Variants in DNAH14 observed in about 807,000 individuals in gnomAD.
DNAH14 encodes dynein axonemal heavy chain 14, also known as axonemal beta dynein heavy chain 14.
DNAH14 carries 478 observed loss-of-function variants against 520.9 expected under a neutral mutation model. That is an observed-to-expected ratio of 0.92 (90% confidence interval 0.85 to 0.99). The LOEUF is 0.99. Ranked by LOEUF, DNAH14 falls within the 50% of genes least tolerant of loss-of-function variation. DNAH14 has a pLI of 0.00. For missense variants in DNAH14, 4,831 were observed against 5,234.5 expected, an observed-to-expected ratio of 0.92 and a Z score of 2.38; for synonymous variants, 1,581 against 1,757.2, an observed-to-expected ratio of 0.90 and a Z score of 2.51.
At position 225,246,105 on chromosome 1, in the gene DNAH14, CAAAAA is replaced by C. The variant is rs140007042; in HGVS notation, c.6748+5298_6748+5302del. The stretch of plus-strand genomic sequence containing the variant: ...ACCATCTGATCTTCGACAAACCTGG[CAAAAA>C]AAAAAAAAAAAAAAGGATAAGGATT... On this transcript the variant is annotated intron_variant, in intron 43 of 85. Coordinates refer to ENST00000682510, the MANE Select transcript of DNAH14 (RefSeq NM_001367479.1). 7.7e-5 allele frequency among the ~76,000 whole-genome samples: 6 copies of C among 77,734 alleles called. No homozygotes were observed. The South Asian group carries it at 2.2e-3, about 28-fold the overall frequency. 51.0% of individuals were successfully genotyped at this position (77,734 alleles called of 152,430 possible). A position where few individuals can be genotyped will look rare whatever the true frequency, so the allele number is the denominator to read the frequency against.
chr1:225,110,599 TTTTC>T (rs138662308), intron 23 of DNAH14, among the ~76,000 whole-genome samples: 7,205 of 151,826 alleles, frequency 0.047, 482 homozygotes, highest in African/African-American at 0.15. Context: ...GGTTTGTCAG[TTTTC>T]TTTATGTTTT....
intron 83 of DNAH14, 39 bp from the exon 84 acceptor site, chr1:225,392,252 A>G (rs1466781823): frequency 2.6e-6 from 4 of 1,548,298 alleles, no homozygotes; most frequent in Non-Finnish European, 3.5e-6. Context: ...AGGCCCTGAG[A>G]CTCACAAGGA....
At chr1:225,099,445 T>C (rs2075265474) in intron 22 of DNAH14, among the ~76,000 whole-genome samples, 1 of 152,104 alleles carries the variant, frequency 6.6e-6, no homozygotes, top group African/African-American at 2.4e-5. Flanking sequence ...TCTGGAAACA[T>C]TTTTACTTGT....
chr1:225,303,136 A>G lies in DNAH14; in HGVS notation c.8632-20A>G, dbSNP rs2094171819. 3 of 1,409,496 alleles carry G rather than the reference A, an allele frequency of 2.1e-6. No individual in the cohort carries two copies. In the African/African-American group the frequency reaches 4.4e-5, roughly 21 times the overall value. 87.3% of individuals were successfully genotyped at this position (1,409,496 alleles called of 1,614,324 possible). A position where few individuals can be genotyped will look rare whatever the true frequency, so the allele number is the denominator to read the frequency against. On this transcript the variant is annotated intron_variant, in intron 56 of 85. Transcript: ENST00000682510. Reference sequence around the variant, plus strand: ...ACAGTGGATTACATTTTAACAATTTATATTTTCATTAATTTTCAGAGAATA... The same window carrying G: ...ACAGTGGATTACATTTTAACAATTTGTATTTTCATTAATTTTCAGAGAATA...
chr1:225,040,900 T>C (rs1303416649), intron 12 of DNAH14, among the ~76,000 whole-genome samples: 2 of 152,252 alleles, frequency 1.3e-5, no homozygotes, highest in Non-Finnish European at 2.9e-5. Context: ...GTCAATCAGA[T>C]AGGTGTGAAA....
intron 58 of DNAH14, 129 bp from the exon 59 acceptor site, chr1:225,307,332 C>A (rs896055819): frequency 3.5e-5 from 23 of 648,686 alleles, no homozygotes; most frequent in Middle Eastern, 4.1e-4. Context: ...AAATAGTGAG[C>A]CAGTCTTGCA....
At position 225,392,137 on chromosome 1, in the gene DNAH14, G is replaced by A. The variant is rs1357544049; in HGVS notation, c.13331-154G>A. Among the ~76,000 whole-genome samples, 5 of 152,306 alleles carry A rather than the reference G, an allele frequency of 3.3e-5. No homozygotes were observed. The South Asian group carries it at 6.2e-4, about 19-fold the overall frequency. On this transcript the variant is annotated intron_variant, in intron 83 of 85. Transcript: ENST00000682510. ...GTCACCAAGGCCTGAGAGGGTGGGT[G>A]AACTGGTCCTCTGCTCCCGCCCAGC...
rs1347712988 is a variant in DNAH14, at chr1:225,206,042, C to T, written c.6049C>T (p.Leu2017=). 5.8e-6 allele frequency: 9 copies of T among 1,551,592 alleles called. No homozygotes were observed. The highest frequency in any genetic ancestry group is 7.8e-6 in the Non-Finnish European group (9 of 1,146,876). Residue 2017 remains leucine (L), a synonymous_variant, in exon 40 of 86, where the codon CTA becomes TTA. Coordinates refer to ENST00000682510, the MANE Select transcript of DNAH14 (RefSeq NM_001367479.1). ...TFWVENLNSV[L]DDTRTLCLAN... is the part of the protein sequence containing the mutation. ...TTGGGTAGAAAATCTGAACTCTGTGCTAGATGATACTAGAACATTGTGCCT... is the reference window on the plus strand; with the variant it reads ...TTGGGTAGAAAATCTGAACTCTGTGTTAGATGATACTAGAACATTGTGCCT...
At chr1:225,330,929 A>G (rs553619719) in intron 64 of DNAH14, among the ~76,000 whole-genome samples, 46 of 152,310 alleles carry the variant, frequency 3.0e-4, no homozygotes, top group South Asian at 6.2e-4. Context: ...ATATATATAT[A>G]TACCTACTGT....
chr1:224,960,306 T>C lies in DNAH14; in HGVS notation c.367+4T>C. On this transcript the variant is annotated splice_donor_region_variant and intron_variant, in intron 4 of 85. Transcript: ENST00000682510. ...CCTGTGTCCTATGATAGAACAGGTA[T>C]GTGGTATCACTGAACCAATTGCTTA... 6.3e-7 allele frequency: 1 copy of C among 1,580,144 alleles called. No individual in the cohort carries two copies. The highest frequency in any genetic ancestry group is 8.6e-7 in the Non-Finnish European group (1 of 1,166,896).
At chr1:225,111,727 C>G (rs1171265279) in intron 23 of DNAH14, among the ~76,000 whole-genome samples, 2 of 151,784 alleles carry the variant, frequency 1.3e-5, no homozygotes, top group Non-Finnish European at 2.9e-5. Flanking sequence ...TCCCTCCTGT[C>G]TTCTTTTTAG....
Position 225,337,319 on chromosome 1 carries a change from T to C in DNAH14, c.10134T>C (p.Asn3378=), listed in dbSNP as rs555091424. 1.3e-4 allele frequency: 201 copies of C among 1,551,870 alleles called. 1 individual carries two copies. The South Asian group carries it at 2.3e-3, about 17-fold the overall frequency. The change falls in exon 67 of 86, where the codon AAT becomes AAC. Residue 3378 remains asparagine (N), a synonymous_variant. Transcript: ENST00000682510. ...GLPHGQYSVE[N]AILIKNGQQW... ...CTCATGGTCAGTATTCAGTAGAGAA[T>C]GCCATCTTGATCAAGAATGGCCAGC...
chr1:225,006,147 C>T (rs1172000753), intron 9 of DNAH14, among the ~76,000 whole-genome samples: 3 of 152,142 alleles, frequency 2.0e-5, no homozygotes, highest in Admixed American at 6.6e-5. Context: ...TTATCACTTC[C>T]CTAATCAATA....
At chr1:225,009,942 T>C (rs1173703712) in intron 10 of DNAH14, among the ~76,000 whole-genome samples, 1 of 152,220 alleles carries the variant, frequency 6.6e-6, no homozygotes, top group African/African-American at 2.4e-5. Flanking sequence ...TGCACATTGA[T>C]TTTGTATCCT....
At chr1:225,339,460 C>A (rs2095134718) in intron 68 of DNAH14, among the ~76,000 whole-genome samples, 1 of 152,184 alleles carries the variant, frequency 6.6e-6, no homozygotes, top group African/African-American at 2.4e-5. Flanking sequence ...TCCTACGGGA[C>A]TTTAAAACCC....
At chr1:225,225,311 G>A (rs2090433681) in intron 41 of DNAH14, among the ~76,000 whole-genome samples, 1 of 152,148 alleles carries the variant, frequency 6.6e-6, no homozygotes, top group African/African-American at 2.4e-5. Flanking sequence ...TGTATTCATT[G>A]ATACCAATTC....
chr1:225,114,813 C>CAT (rs2076744011), intron 23 of DNAH14, among the ~76,000 whole-genome samples: 1 of 152,144 alleles, frequency 6.6e-6, no homozygotes, highest in Non-Finnish European at 1.5e-5. Context: ...CAAGCACACT[C>CAT]ATTCTCTCTC....
chr1:225,241,425 C>T (rs1404731394), intron 43 of DNAH14, among the ~76,000 whole-genome samples: 3 of 152,098 alleles, frequency 2.0e-5, no homozygotes, highest in African/African-American at 4.8e-5. Flanking sequence ...ATGCTAACAA[C>T]ATTATACCAA....
In DNAH14 at chr1:225,126,228, T is replaced by C. The variant is rs371591372; in HGVS notation, c.4254+2614T>C. Among the ~76,000 whole-genome samples the C allele has an allele frequency of 2.6e-5, 4 of 152,210 alleles. No individual in the cohort carries two copies. The South Asian group carries it at 6.2e-4, about 24-fold the overall frequency. On this transcript the variant is annotated intron_variant, in intron 27 of 85. Coordinates refer to ENST00000682510, the MANE Select transcript of DNAH14 (RefSeq NM_001367479.1). ...AGTGAACACATACTATTGGAAAAAA[T>C]GACACTGATAGACTTGCTCAATGCA...
Sources: allele counts gnomAD v4.1 joint callset (sites outside exome capture counted in the v4.1 genomes callset), GRCh38; gene constraint gnomAD v4.1.1; transcripts MANE v1.5; gene names NCBI Gene and HGNC (gene_info 2026-07-23, HGNC 2026-07-21).